Variants in SLC3A1 observed in about 807,000 individuals in gnomAD.
SLC3A1 encodes amino acid transporter heavy chain SLC3A1.
A neutral mutation model predicts 60.3 loss-of-function variants in SLC3A1; 78 were observed. The observed-to-expected ratio is 1.29, with a 90% confidence interval of 1.08 to 1.56. SLC3A1 has a LOEUF of 1.56. Ranked by LOEUF, SLC3A1 falls within the 40% of genes most tolerant of loss-of-function variation. The pLI is 0.00. For missense variants in SLC3A1, 1,172 were observed against 858.9 expected (o/e 1.36, Z -4.56); for synonymous variants, 392 against 307.9 (o/e 1.27, Z -2.86).
In SLC3A1 at chr2:44,321,240, TA is replaced by T; in HGVS notation, c.*607del. 2.1e-6 allele frequency: 2 copies of T among 931,428 alleles called. No homozygotes were observed. The highest frequency in any genetic ancestry group is 1.7e-5 in the South Asian group (1 of 57,198). The allele number at this position is 931,428 out of a possible 1,614,324, so 57.7% of individuals were successfully genotyped here. A position where few individuals can be genotyped will look rare whatever the true frequency, so the allele number is the denominator to read the frequency against. On this transcript the variant is annotated 3_prime_UTR_variant, in exon 10 of 10. Coordinates refer to ENST00000260649, the MANE Select transcript of SLC3A1 (RefSeq NM_000341.4). ...AAAATTTAGATGGAGAAGCACATTTTAAAAAATTAATAACTTAAAAGTCTCA... is the reference window on the plus strand; with the variant it reads ...AAAATTTAGATGGAGAAGCACATTTTAAAAATTAATAACTTAAAAGTCTCA...
chr2:44,307,883 T>C (rs959662821), intron 7 of SLC3A1, among the ~76,000 whole-genome samples: 22 of 152,230 alleles, frequency 1.4e-4, no homozygotes, highest in Non-Finnish European at 7.4e-5. Context: ...TTTAGTGTTA[T>C]ATTAGAAACC....
chr2:44,281,599 A>G, intron 3 of SLC3A1, 58 bp downstream of exon 3: 1 of 1,522,516 alleles, frequency 6.6e-7, no homozygotes, highest in Non-Finnish European at 9.1e-7. Context: ...TAGTGATTGA[A>G]CTGATTTAGT....
Position 44,286,152 on chromosome 2 carries a change from A to C in SLC3A1, c.886A>C (p.Ile296Leu). The part of the protein sequence containing the change: ...NFRNPDVQEE[I>L]KEILRFWLTK... ...CCGCAATCCTGATGTTCAAGAAGAA[A>C]TAAAAGTGAGTATAGATACCCACAC... is the stretch of plus-strand genomic sequence containing the variant. Residue 296 changes from isoleucine (I) to leucine (L), a missense_variant, in exon 4 of 10, where the codon ATA (isoleucine) becomes CTA (leucine). Physicochemically the swap from Ile to Leu is conservative, Grantham distance 5. Transcript: ENST00000260649. The C allele has an allele frequency of 1.2e-6, 2 of 1,614,012 alleles. No homozygotes were observed. Among genetic ancestry groups the C allele is most frequent in the Non-Finnish European group, 1.7e-6 (2 of 1,179,914 alleles).
intron 8 of SLC3A1, 90 bp from the exon 9 acceptor site, chr2:44,313,745 G>T: frequency 9.5e-7 from 1 of 1,052,038 alleles, no homozygotes; most frequent in African/African-American, 1.6e-5. Context: ...GAACTATGGG[G>T]AATTAAATAA....
At chr2:44,321,804 C>G (rs1314890323), downstream of SLC3A1, 3 of 1,613,706 alleles carry the variant, frequency 1.9e-6, no homozygotes, top group Non-Finnish European at 2.5e-6. Flanking sequence ...AATCTGTCCA[C>G]TGAGAGGGCC....
intron 6 of SLC3A1, among the ~76,000 whole-genome samples, chr2:44,303,579 G>C (rs1003928187): frequency 2.0e-5 from 3 of 151,422 alleles, no homozygotes; most frequent in African/African-American, 7.3e-5. Context: ...GGATTTTTCT[G>C]CCTTATTTTT....
At chr2:44,295,012 A>C (rs953907961) in intron 4 of SLC3A1, among the ~76,000 whole-genome samples, 2 of 152,060 alleles carry the variant, frequency 1.3e-5, no homozygotes, top group Middle Eastern at 3.2e-3. Context: ...TGAAAGTGCT[A>C]GGATTACAGG....
At chr2:44,300,878 C>T (rs985665636) in intron 5 of SLC3A1, 125 bp from the exon 6 acceptor site, 13 of 1,055,176 alleles carry the variant, frequency 1.2e-5, no homozygotes, top group Non-Finnish European at 1.9e-5. Flanking sequence ...ATCCACAAAA[C>T]CATGTTTGAG....
intron 8 of SLC3A1, among the ~76,000 whole-genome samples, 178 bp from the exon 9 acceptor site, chr2:44,313,656 TA>T (rs1374939176): frequency 6.6e-6 from 1 of 152,248 alleles, no homozygotes; most frequent in African/African-American, 2.4e-5. Context: ...ACTTTCTAGT[TA>T]AAAGGGTGAA....
intron 4 of SLC3A1, among the ~76,000 whole-genome samples, chr2:44,287,566 T>G (rs1352440888): frequency 1.3e-5 from 2 of 152,192 alleles, no homozygotes; most frequent in Non-Finnish European, 2.9e-5. Flanking sequence ...GAAATTGAAA[T>G]GTAATTGAGT....
Position 44,275,717 on chromosome 2 carries a change from G to A in SLC3A1, c.182G>A (p.Gly61Asp), listed in dbSNP as rs779492796. ...ILGSQEPDFK[G>D]VQPYAGMPKE... ...GGCTCCCAGGAGCCCGACTTCAAGG[G>A]CGTCCAGCCCTATGCGGGGATGCCC... is the stretch of plus-strand genomic sequence containing the variant. The change falls in exon 1 of 10, where the codon GGC becomes GAC. Residue 61 changes from glycine to aspartate, a missense_variant. Transcript: ENST00000260649. 46 of 1,614,220 alleles carry A rather than the reference G, an allele frequency of 2.8e-5. No homozygotes were observed. The highest frequency in any genetic ancestry group is 3.8e-5 in the Non-Finnish European group (45 of 1,180,012).
At chr2:44,306,573 G>A (rs1196759942) in intron 7 of SLC3A1, among the ~76,000 whole-genome samples, 1 of 35,100 alleles carries the variant, frequency 2.8e-5, no homozygotes, top group East Asian at 1.1e-3. Flanking sequence ...TTTTTTTTTT[G>A]AGACGGAGTT....
chr2:44,289,106 A>C (rs184078707), intron 4 of SLC3A1, among the ~76,000 whole-genome samples: 1 of 151,850 alleles, frequency 6.6e-6, no homozygotes, highest in African/African-American at 2.4e-5. Flanking sequence ...CAGTGCTGGG[A>C]TTACAGGTGT....
At chr2:44,300,209 A>T (rs758229017) in intron 5 of SLC3A1, 119 bp downstream of exon 5, 2 of 991,942 alleles carry the variant, frequency 2.0e-6, no homozygotes, top group Non-Finnish European at 3.1e-6. Flanking sequence ...TCTAGCAAGT[A>T]CCCTGATTTA....
intron 9 of SLC3A1, chr2:44,317,522 A>T (rs763935834): frequency 6.6e-6 from 1 of 152,076 alleles, no homozygotes; most frequent in African/African-American, 2.4e-5. Context: ...ATTAGCTGCC[A>T]TATTGGATGG....
intron 4 of SLC3A1, among the ~76,000 whole-genome samples, chr2:44,294,052 T>C (rs1341288868): frequency 6.6e-6 from 1 of 152,080 alleles, no homozygotes; most frequent in Non-Finnish European, 1.5e-5. Context: ...GGGTGTAAGA[T>C]GGAGCCCCAA....
At chr2:44,296,116 G>A (rs1270102872) in intron 4 of SLC3A1, among the ~76,000 whole-genome samples, 4 of 152,130 alleles carry the variant, frequency 2.6e-5, no homozygotes, top group African/African-American at 9.7e-5. Context: ...CTAGAAATGA[G>A]GTGCCTTTCT....
At position 44,300,065 on chromosome 2, in the gene SLC3A1, T is replaced by G; in HGVS notation, c.986T>G (p.Ile329Ser). 6.2e-7 allele frequency: 1 copy of G among 1,614,010 alleles called. No homozygotes were observed. Among genetic ancestry groups the G allele is most frequent in the Non-Finnish European group, 8.5e-7 (1 of 1,179,896 alleles). ...GAAGCAAAGCACCTGAGAGATGAGA[T>G]CCAAGTAAATAAGACCCAAATCCCG... ...LLEAKHLRDE[I>S]QVNKTQIPDT... is the part of the protein sequence containing the mutation. The change falls in exon 5 of 10, where the codon ATC becomes AGC. Residue 329 changes from isoleucine (I) to serine (S), a missense_variant. Coordinates refer to ENST00000260649, the MANE Select transcript of SLC3A1 (RefSeq NM_000341.4).
Position 44,313,908 on chromosome 2 carries a change from C to A in SLC3A1, c.1574C>A (p.Thr525Asn), listed in dbSNP as rs910206190. The A allele has an allele frequency of 6.2e-7, 1 of 1,613,920 alleles. No individual in the cohort carries two copies. Among genetic ancestry groups the A allele is most frequent in the Non-Finnish European group, 8.5e-7 (1 of 1,179,954 alleles). The change falls in exon 9 of 10, where the codon ACC becomes AAC. Residue 525 changes from threonine (T) to asparagine (N), a missense_variant. Thr to Asn is a moderately conservative substitution (Grantham distance 65). Coordinates refer to ENST00000260649, the MANE Select transcript of SLC3A1 (RefSeq NM_000341.4). Reference protein sequence around the residue: ...SNAGFSEASNTWLPTNSDYHT... With the variant: ...SNAGFSEASNNWLPTNSDYHT... ...GCTGGTTTTTCTGAAGCTAGTAACA[C>A]CTGGTTACCTACCAATTCAGATTAC... is the stretch of plus-strand genomic sequence containing the variant.
Sources: gnomAD v4.1 joint callset for allele counts (sites outside exome capture counted in the v4.1 genomes callset) on GRCh38, gnomAD v4.1.1 for gene constraint, MANE v1.5 for transcripts, NCBI Gene and HGNC (gene_info 2026-07-23, HGNC 2026-07-21) for gene names.